The following DCC variants were observed in gnomAD, a reference collection of about 807,000 sequenced individuals.
DCC encodes the protein DCC netrin 1 receptor, also known as netrin receptor DCC.
Under a neutral mutation model 172.5 loss-of-function variants are expected in DCC, and 58 were observed. The ratio of observed to expected loss-of-function variants is 0.34; its 90% CI spans 0.27 to 0.42. The LOEUF (loss-of-function observed/expected upper bound fraction) is 0.42. Among genes scored for constraint, DCC ranks in the 10% least tolerant of loss-of-function variants. The probability of loss-of-function intolerance (pLI) is 1.00; values close to 1 mark genes in which losing one functional copy is unlikely to be tolerated. For synonymous variants in DCC, 709 were observed against 644.5 expected (o/e 1.10, Z -1.52); for missense variants, 1,740 against 1,791.0 (o/e 0.97, Z 0.51).
At chr18:53,446,810 C>T (rs11661326) in intron 22 of DCC, among the ~76,000 whole-genome samples, 72,929 of 151,490 alleles carry the variant, frequency 0.48, 18,546 homozygotes, top group Non-Finnish European at 0.58. Flanking sequence ...AGAAAGTGCC[C>T]CTTTTTTGGT....
intron 12 of DCC, among the ~76,000 whole-genome samples, chr18:53,286,532 T>C (rs1221236625): frequency 6.6e-6 from 1 of 152,194 alleles, no homozygotes. Flanking sequence ...AAGTATATCT[T>C]TACCAGCAGC....
At chr18:53,421,768 G>A (rs930324668) in intron 21 of DCC, among the ~76,000 whole-genome samples, 3 of 152,112 alleles carry the variant, frequency 2.0e-5, no homozygotes, top group Admixed American at 1.3e-4. Context: ...TTATCTTTTG[G>A]TTTCTTTCAA....
chr18:53,474,587 T>C (rs2145196369), intron 25 of DCC, among the ~76,000 whole-genome samples: 1 of 152,316 alleles, frequency 6.6e-6, no homozygotes, highest in African/African-American at 2.4e-5. Flanking sequence ...CTGCACAAGC[T>C]CTCTTCTCTT....
At chr18:53,136,512 A>C (rs2043745351) in intron 7 of DCC, among the ~76,000 whole-genome samples, 1 of 152,104 alleles carries the variant, frequency 6.6e-6, no homozygotes, top group South Asian at 2.1e-4. Context: ...AGCCAGATAC[A>C]CCAAAAATTT....
intron 1 of DCC, among the ~76,000 whole-genome samples, chr18:52,610,420 G>GAA (rs1215482455): frequency 1.0e-5 from 1 of 97,918 alleles, no homozygotes; most frequent in Non-Finnish European, 2.1e-5. Flanking sequence ...AAAAGAAAAA[G>GAA]AAAAAAAAAA....
chr18:53,508,384 G>A (rs903208429), intron 27 of DCC, among the ~76,000 whole-genome samples: 6 of 151,742 alleles, frequency 4.0e-5, no homozygotes, highest in Non-Finnish European at 7.4e-5. Context: ...GCAGAGATGA[G>A]GTTTTGTTAT....
At chr18:53,501,324 T>G (rs1266113893) in intron 27 of DCC, among the ~76,000 whole-genome samples, 1 of 152,170 alleles carries the variant, frequency 6.6e-6, no homozygotes, top group Non-Finnish European at 1.5e-5. Flanking sequence ...GTAGCTTAAG[T>G]CTACATAGCA....
intron 13 of DCC, among the ~76,000 whole-genome samples, chr18:53,313,155 C>A (rs1051071205): frequency 6.6e-6 from 1 of 151,908 alleles, no homozygotes; most frequent in Non-Finnish European, 1.5e-5. Context: ...AGAGTTGGGG[C>A]CCCCAAAAAT....
chr18:53,467,867 T>C (rs183486850), intron 24 of DCC, 27 bp from the exon 25 acceptor site: 1 of 1,126,760 alleles, frequency 8.9e-7, no homozygotes, highest in East Asian at 2.3e-5. Flanking sequence ...GAAGAGGGCA[T>C]GTTTCTCAGG....
chr18:52,692,143 G>A (rs1462480102), intron 1 of DCC, among the ~76,000 whole-genome samples: 1 of 152,124 alleles, frequency 6.6e-6, no homozygotes, highest in African/African-American at 2.4e-5. Flanking sequence ...GGAAACTTAG[G>A]AGGTGGGCTT....
chr18:53,232,903 A>C (rs1396955591), intron 12 of DCC, among the ~76,000 whole-genome samples: 1 of 151,496 alleles, frequency 6.6e-6, no homozygotes, highest in Non-Finnish European at 1.5e-5. Context: ...TTAGCTGATA[A>C]GCCTCATAAA....
intron 12 of DCC, among the ~76,000 whole-genome samples, chr18:53,238,689 T>A (rs1276911546): frequency 6.6e-6 from 1 of 151,984 alleles, no homozygotes. Context: ...TCATTGCAAC[T>A]AAGGAACTCA....
chr18:53,064,287 T>A (rs1031501092), intron 6 of DCC, among the ~76,000 whole-genome samples: 2 of 152,116 alleles, frequency 1.3e-5, no homozygotes, highest in Admixed American at 6.6e-5. Context: ...ATCTCACTTA[T>A]AGGTATAGGT....
Position 53,402,791 on chromosome 18 carries a change from A to G in DCC, c.2833A>G (p.Thr945Ala). 1 of 1,612,934 alleles carries G rather than the reference A, an allele frequency of 6.2e-7. No individual in the cohort carries two copies. The highest frequency in any genetic ancestry group is 8.5e-7 in the Non-Finnish European group (1 of 1,179,170). ...ATCTCTGTCTCACCTCACAGCCCCC[A>G]CCTCTGCTCCCAAGGACTTGACAGT... ...AHATTYEAAP[T>A]SAPKDLTVIT... The change falls in exon 19 of 29, where the codon ACC (threonine) becomes GCC (alanine). Residue 945 changes from threonine to alanine, a missense_variant. By Grantham distance (58) the Thr-to-Ala change is moderately conservative (BLOSUM62 0). This residue lies in a region of DCC where 1,732 missense variants were observed against 1,767.4 expected (regional missense o/e 0.98). Coordinates refer to ENST00000442544, the MANE Select transcript of DCC (RefSeq NM_005215.4).
chr18:52,600,185 C>T (rs539623143), intron 1 of DCC, among the ~76,000 whole-genome samples: 1 of 152,290 alleles, frequency 6.6e-6, no homozygotes, highest in East Asian at 1.9e-4. Flanking sequence ...GTTTTGAATA[C>T]AGTGTGAACT....
intron 1 of DCC, among the ~76,000 whole-genome samples, chr18:52,631,770 A>G (rs1336522268): frequency 1.3e-5 from 2 of 152,204 alleles, no homozygotes; most frequent in East Asian, 1.9e-4. Context: ...TCTCACCTCA[A>G]TTGGGAAAAT....
intron 13 of DCC, among the ~76,000 whole-genome samples, chr18:53,313,735 T>C (rs765785740): frequency 4.6e-5 from 7 of 152,234 alleles, no homozygotes; most frequent in Non-Finnish European, 8.8e-5. Flanking sequence ...TGCTTTAAAT[T>C]TGTTGCTAAT....
intron 1 of DCC, among the ~76,000 whole-genome samples, chr18:52,453,749 G>T (rs1216706860): frequency 6.6e-6 from 1 of 151,700 alleles, no homozygotes; most frequent in Non-Finnish European, 1.5e-5. Context: ...CTAACATCTT[G>T]CTCTGTGGCT....
chr18:53,039,294 G>A (rs1269628816), intron 5 of DCC, among the ~76,000 whole-genome samples: 1 of 152,010 alleles, frequency 6.6e-6, no homozygotes, highest in Non-Finnish European at 1.5e-5. Context: ...TCCTCACACA[G>A]TATTCTATAG....
Sources: gnomAD v4.1 joint callset for allele counts (sites outside exome capture counted in the v4.1 genomes callset) on GRCh38, gnomAD v4.1.1 for gene constraint, gnomAD v4.1.1 regional missense constraint, MANE v1.5 for transcripts, NCBI Gene and HGNC (gene_info 2026-07-23, HGNC 2026-07-21) for gene names.